The following LIPC variants were observed in gnomAD, a reference collection of about 807,000 sequenced individuals.
The protein encoded by LIPC is lipase C, hepatic type, also known as hepatic triacylglycerol lipase.
A neutral mutation model predicts 50.7 loss-of-function variants in LIPC; 44 were observed. The ratio of observed to expected loss-of-function variants is 0.87; its 90% CI spans 0.68 to 1.11. The LOEUF (loss-of-function observed/expected upper bound fraction) is 1.11. Among genes scored for constraint, LIPC ranks in the 50% most tolerant of loss-of-function variants. The probability of loss-of-function intolerance (pLI) is 0.00; values close to 1 mark genes in which losing one functional copy is unlikely to be tolerated. For missense variants in LIPC, 697 were observed against 648.2 expected (o/e 1.08, Z -0.82); for synonymous variants, 271 against 256.4 (o/e 1.06, Z -0.54).
chr15:58,541,984 T>C lies in LIPC; in HGVS notation c.456+17T>C, dbSNP rs1420360905. On this transcript the variant is annotated intron_variant, in intron 3 of 8. Transcript: ENST00000299022. ...TGGCTGGAGGTACCGACCTGCCCCA[T>C]CCTTCCTTCACCTCCCTTCCCTCCT... The C allele has an allele frequency of 6.2e-7, 1 of 1,600,922 alleles. No individual in the cohort carries two copies. The highest frequency in any genetic ancestry group is 1.3e-5 in the African/African-American group (1 of 74,616).
intron 1 of LIPC, among the ~76,000 whole-genome samples, chr15:58,504,925 A>G (rs1168741166): frequency 3.3e-5 from 5 of 152,330 alleles, no homozygotes; most frequent in African/African-American, 1.2e-4. Flanking sequence ...TCTCCTGGTT[A>G]TGTAGCACTG....
intron 1 of LIPC, among the ~76,000 whole-genome samples, chr15:58,496,728 A>T (rs1270857004): frequency 7.3e-6 from 1 of 136,082 alleles, no homozygotes; most frequent in Non-Finnish European, 1.6e-5. Flanking sequence ...GCCCTGCTAC[A>T]GAAGTCTTCC....
rs1278234371 is a variant in LIPC at position 58,545,251 on chromosome 15, CT to C, written c.575-486del. 4.9e-5 allele frequency among the ~76,000 whole-genome samples: 7 copies of C among 142,468 alleles called. No individual in the cohort carries two copies. In the East Asian group the frequency reaches 1.4e-3, roughly 29 times the overall value. The allele number at this position is 142,468 out of a possible 152,430, so 93.5% of individuals were successfully genotyped here. ...CATAACCTTATTCCTTTTTTTTTTT[CT>C]TTTTGAGACAGGATCTCCCTCTGTT... On this transcript the variant is annotated intron_variant, in intron 4 of 8. Coordinates refer to ENST00000299022, the MANE Select transcript of LIPC (RefSeq NM_000236.3).
At chr15:58,473,131 A>C (rs1436131958) in intron 1 of LIPC, among the ~76,000 whole-genome samples, 2 of 152,140 alleles carry the variant, frequency 1.3e-5, no homozygotes, top group African/African-American at 4.8e-5. Flanking sequence ...ACCAAGGATC[A>C]GCACTGGGTA....
At chr15:58,522,819 A>C (rs1892695645) in intron 1 of LIPC, 1 of 152,434 alleles carries the variant, frequency 6.6e-6, no homozygotes, top group African/African-American at 2.4e-5. Flanking sequence ...GGACAGCAAA[A>C]GACTTCTCAG....
chr15:58,567,557 T>G (rs868429242), intron 8 of LIPC, among the ~76,000 whole-genome samples: 1 of 151,832 alleles, frequency 6.6e-6, no homozygotes, highest in South Asian at 2.1e-4. Flanking sequence ...GAATGTTTGT[T>G]GCAGTACTAT....
At chr15:58,541,759 C>G (rs112575642) in intron 2 of LIPC, 26 bp from the exon 3 acceptor site, 15 of 1,608,154 alleles carry the variant, frequency 9.3e-6, no homozygotes, top group Non-Finnish European at 1.2e-5. Context: ...GAAACTAGTG[C>G]GACCCTCCCT....
At chr15:58,484,749 C>T (rs1400080602) in intron 1 of LIPC, among the ~76,000 whole-genome samples, 5 of 152,238 alleles carry the variant, frequency 3.3e-5, no homozygotes, top group African/African-American at 9.6e-5. Flanking sequence ...CACACTTTCT[C>T]GCCAAATTCA....
At chr15:58,477,860 G>A (rs1891050843) in intron 1 of LIPC, among the ~76,000 whole-genome samples, 1 of 152,088 alleles carries the variant, frequency 6.6e-6, no homozygotes, top group Non-Finnish European at 1.5e-5. Context: ...TGTGGGAACT[G>A]ACCTGAGTCT....
intron 1 of LIPC, among the ~76,000 whole-genome samples, chr15:58,536,818 C>A (rs1055323121): frequency 1.3e-5 from 2 of 152,170 alleles, no homozygotes; most frequent in African/African-American, 4.8e-5. Context: ...AAAATCATTG[C>A]CCTTTGCTGA....
intron 1 of LIPC, among the ~76,000 whole-genome samples, chr15:58,470,106 T>C (rs1480731375): frequency 6.6e-6 from 1 of 152,102 alleles, no homozygotes; most frequent in Non-Finnish European, 1.5e-5. Context: ...ATAATTTTTG[T>C]AATTTTTTAG....
In LIPC at chr15:58,563,704, G is replaced by C; in HGVS notation, c.1369G>C (p.Ala457Pro). The change falls in exon 8 of 9, where the codon GCA (alanine) becomes CCA (proline). Residue 457 changes from alanine to proline, a missense_variant. Ala to Pro is a conservative substitution (Grantham distance 27). Transcript: ENST00000299022. ...GLVLKTIRVK[A>P]GETQQRMTFC... ...CGTTCTGAAGACGATCAGAGTCAAA[G>C]CAGGAGAAACCCAGCAAAGGTGACT... The C allele has an allele frequency of 2.4e-5, 39 of 1,613,270 alleles. No homozygotes were observed. The highest frequency in any genetic ancestry group is 3.1e-5 in the Non-Finnish European group (37 of 1,180,006).
At chr15:58,436,891 A>G in intron 1 of LIPC, 4 of 455,878 alleles carry the variant, frequency 8.8e-6, no homozygotes, top group Non-Finnish European at 1.8e-5. Context: ...TTCAAGCCCA[A>G]ATACCTTTCA....
Position 58,563,675 on chromosome 15 carries a change from G to T in LIPC, c.1340G>T (p.Gly447Val), listed in dbSNP as rs752763101. Residue 447 changes from glycine to valine, a missense_variant, in exon 8 of 9, where the codon GGC becomes GTC. Physicochemically the swap from Gly to Val is moderately radical, Grantham distance 109. Transcript: ENST00000299022. ...TGGAGCACAGGGCCGCGCCACTCAG[G>T]CCTCGTTCTGAAGACGATCAGAGTC... ...IPWSTGPRHSGLVLKTIRVKA... is the reference protein window; with the variant it reads ...IPWSTGPRHSVLVLKTIRVKA... 1.9e-6 allele frequency: 3 copies of T among 1,613,928 alleles called. No individual in the cohort carries two copies. The highest frequency in any genetic ancestry group is 2.5e-6 in the Non-Finnish European group (3 of 1,180,050).
chr15:58,450,824 C>T (rs1217266857), intron 1 of LIPC, among the ~76,000 whole-genome samples: 2 of 152,126 alleles, frequency 1.3e-5, no homozygotes, highest in Non-Finnish European at 2.9e-5. Flanking sequence ...GGTCCCTAAG[C>T]GATTTTCCCT....
chr15:58,436,670 T>A (rs1566905828), intron 1 of LIPC: 1 of 454,880 alleles, frequency 2.2e-6, no homozygotes, highest in Non-Finnish European at 4.4e-6. Context: ...CATATGTAAA[T>A]GTTATCAGCT....
At chr15:58,559,326 C>G (rs1175841332) in intron 6 of LIPC, among the ~76,000 whole-genome samples, 1 of 152,136 alleles carries the variant, frequency 6.6e-6, no homozygotes, top group Non-Finnish European at 1.5e-5. Context: ...ACCATCAGTT[C>G]ATTCATCCCA....
chr15:58,522,629 C>T (rs1426014666), intron 1 of LIPC: 1 of 153,828 alleles, frequency 6.5e-6, no homozygotes, highest in Non-Finnish European at 1.5e-5. Flanking sequence ...ACTCCAACCT[C>T]AGGCCCCTGC....
chr15:58,561,665 T>A (rs1022129175), intron 7 of LIPC, among the ~76,000 whole-genome samples: 4 of 152,224 alleles, frequency 2.6e-5, no homozygotes, highest in Admixed American at 1.3e-4. Context: ...TCAAAATATG[T>A]CAAAGAAATA....
Sources: gnomAD v4.1 joint callset for allele counts (sites outside exome capture counted in the v4.1 genomes callset) on GRCh38, gnomAD v4.1.1 for gene constraint, MANE v1.5 for transcripts, NCBI Gene and HGNC (gene_info 2026-07-23, HGNC 2026-07-21) for gene names.